PPP2CA: variants seen among roughly 807,000 people sequenced by gnomAD.
PPP2CA encodes the protein protein phosphatase 2 catalytic subunit alpha, also known as serine/threonine-protein phosphatase 2A catalytic subunit alpha isoform.
PPP2CA carries 5 observed loss-of-function variants against 38.8 expected under a neutral mutation model. The observed-to-expected ratio is 0.13, with a 90% CI of 0.07 to 0.27. The LOEUF (loss-of-function observed/expected upper bound fraction) is 0.27. Ranked by LOEUF, PPP2CA falls within the 10% of genes least tolerant of loss-of-function variation. The probability of loss-of-function intolerance (pLI) is 1.00; values close to 1 mark genes in which losing one functional copy is unlikely to be tolerated. For synonymous variants in PPP2CA, 152 were observed against 134.0 expected (o/e 1.13, Z -0.93); for missense variants, 88 against 389.7 (o/e 0.23, Z 6.52).
rs1480783935 is a variant in PPP2CA, at chr5:134,209,004, TATGCAGGCAC to T, written c.103-2883_103-2874del. On this transcript the variant is annotated intron_variant, in intron 1 of 6. Transcript: ENST00000481195. ...CCTCGTATTTTCTCCTCTGTATACA[TATGCAGGCAC>T]ATTTCCTGAGAGAAGATACTATGAA... 1.1e-4 allele frequency among the ~76,000 whole-genome samples: 17 copies of T among 152,266 alleles called. No homozygotes were observed. In the East Asian group the frequency reaches 3.1e-3, roughly 28 times the overall value.
At position 134,209,279 on chromosome 5, in the gene PPP2CA, GAAA is replaced by G. The variant is rs56150132; in HGVS notation, c.103-3151_103-3149del. ...GCAACCATCCCTCAGACCGGAGGGGGAAAAAAAAAAAATCATCCAATCAACTAT... is the reference window on the plus strand; with the variant it reads ...GCAACCATCCCTCAGACCGGAGGGGGAAAAAAAAATCATCCAATCAACTAT... On this transcript the variant is annotated intron_variant, in intron 1 of 6. Transcript: ENST00000481195. Among the ~76,000 whole-genome samples the G allele has an allele frequency of 1.6e-3, 234 of 150,820 alleles. 2 individuals are homozygous for G. The East Asian group carries it at 0.017, about 11-fold the overall frequency.
intron 2 of PPP2CA, among the ~76,000 whole-genome samples, chr5:134,204,029 C>T (rs1389322728): frequency 6.6e-6 from 1 of 152,190 alleles, no homozygotes. Flanking sequence ...GGAGTCACCG[C>T]AGAAACCTTC....
intron 1 of PPP2CA, among the ~76,000 whole-genome samples, chr5:134,208,676 G>T (rs142564635): frequency 6.6e-6 from 1 of 152,244 alleles, no homozygotes; most frequent in African/African-American, 2.4e-5. Context: ...ATCATAAACT[G>T]AGGGGTATAT....
Position 134,197,613 on chromosome 5 carries a change from G to C in PPP2CA, c.*159C>G. On this transcript the variant is annotated 3_prime_UTR_variant, in exon 7 of 7. Coordinates refer to ENST00000481195, the MANE Select transcript of PPP2CA (RefSeq NM_002715.4). ...AAGTGGTCACGGCTGTTGATGACAA[G>C]AGGCTTTGTATTTTTATATGGCACA... is the stretch of plus-strand genomic sequence containing the variant. 1 of 620,566 alleles carries C rather than the reference G, an allele frequency of 1.6e-6. No homozygotes were observed. The highest frequency in any genetic ancestry group is 2.9e-6 in the Non-Finnish European group (1 of 347,500). 38.4% of individuals were successfully genotyped at this position (620,566 alleles called of 1,614,324 possible). A position where few individuals can be genotyped will look rare whatever the true frequency, so the allele number is the denominator to read the frequency against.
At chr5:134,211,646 T>G (rs547629844) in intron 1 of PPP2CA, among the ~76,000 whole-genome samples, 1 of 151,704 alleles carries the variant, frequency 6.6e-6, no homozygotes, top group East Asian at 2.0e-4. Flanking sequence ...GCTAATTTTT[T>G]TTTTTTTTTT....
chr5:134,196,489 C>A lies in PPP2CA; in HGVS notation c.*1283G>T, dbSNP rs920459830. ...AATGTACATAAGACTAAATCATGAT[C>A]CAACAATAGTTTTCTATTTGGTTTC... On this transcript the variant is annotated 3_prime_UTR_variant, in exon 7 of 7. Coordinates refer to ENST00000481195, the MANE Select transcript of PPP2CA (RefSeq NM_002715.4). 1 of 152,174 alleles carries A rather than the reference C, an allele frequency of 6.6e-6. No individual in the cohort carries two copies. Among genetic ancestry groups the A allele is most frequent in the Non-Finnish European group, 1.5e-5 (1 of 68,014 alleles). The allele number at this position is 152,174 out of a possible 1,614,324, so 9.4% of individuals were successfully genotyped here.
At chr5:134,223,659 T>A (rs972082972) in intron 1 of PPP2CA, among the ~76,000 whole-genome samples, 1 of 152,200 alleles carries the variant, frequency 6.6e-6, no homozygotes, top group Non-Finnish European at 1.5e-5. Context: ...ATTAGATGCA[T>A]CAGCTTCACC....
intron 1 of PPP2CA, among the ~76,000 whole-genome samples, chr5:134,220,878 G>A (rs979434195): frequency 1.3e-5 from 2 of 152,188 alleles, no homozygotes; most frequent in Admixed American, 1.3e-4. Flanking sequence ...CAGTACATGA[G>A]CTTCAACTTA....
At chr5:134,220,177 G>C (rs939572412) in intron 1 of PPP2CA, among the ~76,000 whole-genome samples, 1 of 150,888 alleles carries the variant, frequency 6.6e-6, no homozygotes, top group Non-Finnish European at 1.5e-5. Flanking sequence ...ACAAAAACAG[G>C]TCTGGTGCCA....
Position 134,219,781 on chromosome 5 carries a change from C to T in PPP2CA, c.102+5979G>A, listed in dbSNP as rs149891455. Among the ~76,000 whole-genome samples the T allele has an allele frequency of 6.9e-3, 1,047 of 151,556 alleles. 18 individuals carry two copies. The highest frequency in any genetic ancestry group is 0.023 in the African/African-American group (970 of 41,316). ...ATCCCAGCACTTTGGGAGGCTGAGG[C>T]GGGCGGATCACTTGAGGTCAGCAGT... On this transcript the variant is annotated intron_variant, in intron 1 of 6. Coordinates refer to ENST00000481195, the MANE Select transcript of PPP2CA (RefSeq NM_002715.4).
In PPP2CA at chr5:134,200,383, A is replaced by G. The variant is rs1342249140; in HGVS notation, c.690T>C (p.His230=). 2.5e-6 allele frequency: 4 copies of G among 1,614,220 alleles called. No homozygotes were observed. The highest frequency in any genetic ancestry group is 2.2e-5 in the East Asian group (1 of 44,882). The change falls in exon 5 of 7, where the codon CAT becomes CAC. Residue 230 remains histidine, a synonymous_variant. Coordinates refer to ENST00000481195, the MANE Select transcript of PPP2CA (RefSeq NM_002715.4). ...FGQDISETFN[H]ANGLTLVSRA... ...TAGACACCAACGTGAGGCCATTGGC[A>G]TGATTAAATGTCTCAGAAATATCTT...
chr5:134,221,967 CAAAAAA>C (rs35713465), intron 1 of PPP2CA, among the ~76,000 whole-genome samples: 2 of 78,116 alleles, frequency 2.6e-5, no homozygotes, highest in African/African-American at 7.9e-5. Flanking sequence ...GACCTTATCT[CAAAAAA>C]AAAAAAAAAA....
intron 1 of PPP2CA, among the ~76,000 whole-genome samples, chr5:134,207,808 CA>C (rs1343415229): frequency 1.3e-5 from 2 of 152,304 alleles, no homozygotes; most frequent in East Asian, 3.9e-4. Context: ...CTCTGCCTCC[CA>C]AAGTGCTGAA....
chr5:134,200,158 C>G (rs1011138414), intron 5 of PPP2CA, among the ~76,000 whole-genome samples, 177 bp downstream of exon 5: 1 of 152,214 alleles, frequency 6.6e-6, no homozygotes, highest in Non-Finnish European at 1.5e-5. Flanking sequence ...TAATCAAAAG[C>G]TTGAGCTTTT....
At chr5:134,219,579 C>A (rs1314788394) in intron 1 of PPP2CA, among the ~76,000 whole-genome samples, 1 of 152,234 alleles carries the variant, frequency 6.6e-6, no homozygotes. Context: ...GCAAGAGGGA[C>A]TGGCCAACTG....
rs908638711 is a variant in PPP2CA, at chr5:134,194,878, G to C, written c.*2894C>G. 5 of 152,128 alleles carry C rather than the reference G, an allele frequency of 3.3e-5. No homozygotes were observed. Among genetic ancestry groups the C allele is most frequent in the African/African-American group, 4.8e-5 (2 of 41,418 alleles). 9.4% of individuals were successfully genotyped at this position (152,128 alleles called of 1,614,324 possible). ...CCACCCCGGCCTCCCCAAGTGCTGG[G>C]ATTACAGGCATGAGCCACCGCGCCT... On this transcript the variant is annotated 3_prime_UTR_variant, in exon 7 of 7. Coordinates refer to ENST00000481195, the MANE Select transcript of PPP2CA (RefSeq NM_002715.4).
intron 2 of PPP2CA, chr5:134,203,534 T>C (rs951902744): frequency 2.0e-5 from 3 of 152,256 alleles, no homozygotes; most frequent in Admixed American, 6.5e-5. Flanking sequence ...TCTCCATCTG[T>C]CTTATCTTCT....
At chr5:134,214,919 A>G (rs1056969836) in intron 1 of PPP2CA, among the ~76,000 whole-genome samples, 2 of 152,118 alleles carry the variant, frequency 1.3e-5, no homozygotes, top group Non-Finnish European at 2.9e-5. Flanking sequence ...TCCTAAGATT[A>G]CACGACAACT....
chr5:134,217,071 C>T (rs762779618), intron 1 of PPP2CA, among the ~76,000 whole-genome samples: 11 of 152,116 alleles, frequency 7.2e-5, no homozygotes, highest in Non-Finnish European at 1.3e-4. Flanking sequence ...CACCTGAGAT[C>T]GGGAGTTTGA....
Sources: gnomAD v4.1 joint callset for allele counts (sites outside exome capture counted in the v4.1 genomes callset) on GRCh38, gnomAD v4.1.1 for gene constraint, MANE v1.5 for transcripts, NCBI Gene and HGNC (gene_info 2026-07-23, HGNC 2026-07-21) for gene names.